NFKB1: variants seen among roughly 807,000 people sequenced by gnomAD.
The protein encoded by NFKB1 is nuclear factor NF-kappa-B p105 subunit.
Under a neutral mutation model 105.1 loss-of-function variants are expected in NFKB1, and 9 were observed. The ratio of observed to expected loss-of-function variants is 0.09; its 90% CI spans 0.05 to 0.15. NFKB1 has a LOEUF of 0.15. NFKB1 is among the 10% of genes least tolerant of loss of function. The pLI is 1.00. For missense variants in NFKB1, 830 were observed against 1,203.7 expected (o/e 0.69, Z 4.59); for synonymous variants, 440 against 442.2 (o/e 1.00, Z 0.06).
At chr4:102,585,734 G>C (rs568128279) in intron 11 of NFKB1, among the ~76,000 whole-genome samples, 7 of 152,182 alleles carry the variant, frequency 4.6e-5, no homozygotes, top group Non-Finnish European at 1.0e-4. Context: ...TTATTCTAAA[G>C]CAGCCTCCAA....
intron 1 of NFKB1, among the ~76,000 whole-genome samples, chr4:102,524,030 A>G (rs1048889620): frequency 9.8e-5 from 14 of 142,706 alleles, no homozygotes; most frequent in African/African-American, 2.4e-4. Context: ...AGACTTTATG[A>G]AAAAAAAAAA....
chr4:102,543,869 T>C (rs1214108165), intron 5 of NFKB1, among the ~76,000 whole-genome samples: 1 of 152,168 alleles, frequency 6.6e-6, no homozygotes, highest in Non-Finnish European at 1.5e-5. Context: ...CAGCTATGTG[T>C]GCGTATAGAA....
At chr4:102,614,982 C>T (rs1248375844) in intron 23 of NFKB1, among the ~76,000 whole-genome samples, 1 of 152,166 alleles carries the variant, frequency 6.6e-6, no homozygotes, top group Non-Finnish European at 1.5e-5. Context: ...GTCATCCTGT[C>T]TGCAACCACC....
chr4:102,594,949 G>A lies in NFKB1; in HGVS notation c.1268G>A (p.Gly423Glu), dbSNP rs770903327. The change falls in exon 13 of 24, where the codon GGA (glycine) becomes GAA (glutamate). Residue 423 changes from glycine to glutamate, a missense_variant. Gly to Glu is a moderately conservative substitution (Grantham distance 98, BLOSUM62 -2). Transcript: ENST00000226574. ...PTYGGITFHP[G>E]TTKSNAGMKH... ...TATGGTGGGATTACTTTCCATCCTG[G>A]AACTACTAAATCTAATGCTGGGATG... The A allele has an allele frequency of 1.9e-6, 3 of 1,610,790 alleles. No homozygotes were observed. The East Asian group carries it at 6.7e-5, about 36-fold the overall frequency.
chr4:102,554,391 A>G (rs1428973161), intron 5 of NFKB1, among the ~76,000 whole-genome samples: 5 of 152,200 alleles, frequency 3.3e-5, no homozygotes, highest in Non-Finnish European at 7.3e-5. Context: ...ATTTGGTGTA[A>G]TAGAGAACAT....
chr4:102,616,438 G>A lies in NFKB1; in HGVS notation c.2754G>A (p.Glu918=). The change falls in exon 24 of 24, where the codon GAG becomes GAA. Residue 918 remains glutamate (E), a synonymous_variant. Transcript: ENST00000226574. ...SPASTRQQID[E]LRDSDSVCDS... Reference sequence around the variant, plus strand: ...ATTTGTGCTTTCTCCCCTCAGACGAGCTCCGAGACAGTGACAGTGTCTGCG... The same window carrying A: ...ATTTGTGCTTTCTCCCCTCAGACGAACTCCGAGACAGTGACAGTGTCTGCG... 1 of 1,613,910 alleles carries A rather than the reference G, an allele frequency of 6.2e-7. No individual in the cohort carries two copies. Among genetic ancestry groups the A allele is most frequent in the Admixed American group, 1.7e-5 (1 of 60,022 alleles).
intron 20 of NFKB1, 58 bp from the exon 21 acceptor site, chr4:102,611,986 G>T: frequency 7.2e-7 from 1 of 1,388,080 alleles, no homozygotes; most frequent in South Asian, 1.2e-5. Context: ...TAAAGAAACA[G>T]ACTGCCCTAG....
intron 19 of NFKB1, 81 bp from the exon 20 acceptor site, chr4:102,610,494 C>T: frequency 6.6e-7 from 1 of 1,510,696 alleles, no homozygotes; most frequent in Non-Finnish European, 9.0e-7. Context: ...ATTGCTTTGC[C>T]TTTGGGAATC....
intron 3 of NFKB1, 75 bp from the exon 4 acceptor site, chr4:102,533,770 T>C: frequency 1.6e-6 from 2 of 1,257,512 alleles, no homozygotes; most frequent in Non-Finnish European, 2.3e-6. Context: ...AGTTTTTTAC[T>C]TGCTTTACGT....
At chr4:102,592,462 A>G (rs1726253899) in intron 11 of NFKB1, among the ~76,000 whole-genome samples, 1 of 152,230 alleles carries the variant, frequency 6.6e-6, no homozygotes, top group African/African-American at 2.4e-5. Context: ...GCAGCCATCA[A>G]CATTGAGGCA....
intron 1 of NFKB1, among the ~76,000 whole-genome samples, chr4:102,520,554 A>G (rs898704617): frequency 2.6e-5 from 4 of 152,192 alleles, no homozygotes; most frequent in African/African-American, 9.6e-5. Flanking sequence ...ATCACATTGC[A>G]CCCAAATGAA....
At chr4:102,599,507 G>C (rs1578814126) in intron 15 of NFKB1, among the ~76,000 whole-genome samples, 1 of 152,184 alleles carries the variant, frequency 6.6e-6, no homozygotes, top group East Asian at 1.9e-4. Context: ...GCTGCTGCGA[G>C]ATGCTTTAGT....
intron 14 of NFKB1, 52 bp from the exon 15 acceptor site, chr4:102,597,468 C>G: frequency 6.4e-7 from 1 of 1,554,284 alleles, no homozygotes; most frequent in Middle Eastern, 1.7e-4. Context: ...ATGCCATACC[C>G]ATAAAACAAA....
At chr4:102,575,340 T>G (rs1724729327) in intron 6 of NFKB1, among the ~76,000 whole-genome samples, 1 of 152,206 alleles carries the variant, frequency 6.6e-6, no homozygotes, top group Non-Finnish European at 1.5e-5. Flanking sequence ...GCCTTATAAC[T>G]CCTATTTTCT....
intron 2 of NFKB1, among the ~76,000 whole-genome samples, chr4:102,529,417 A>T (rs1741132443): frequency 6.6e-6 from 1 of 152,208 alleles, no homozygotes; most frequent in South Asian, 2.1e-4. Context: ...CCATAGAGGA[A>T]ATACTGATTT....
chr4:102,605,798 G>A (rs1727668421), intron 16 of NFKB1, among the ~76,000 whole-genome samples: 1 of 152,162 alleles, frequency 6.6e-6, no homozygotes, highest in African/African-American at 2.4e-5. Flanking sequence ...TATGAAATGG[G>A]TGTAGGAAAG....
At chr4:102,511,079 TA>T (rs1331772247) in intron 1 of NFKB1, 2 of 509,066 alleles carry the variant, frequency 3.9e-6, no homozygotes, top group African/African-American at 4.0e-5. Flanking sequence ...GTGTGATTTT[TA>T]TTTTTTTATT....
chr4:102,528,242 C>T (rs1169303668), intron 2 of NFKB1, among the ~76,000 whole-genome samples: 7 of 152,170 alleles, frequency 4.6e-5, no homozygotes, highest in Admixed American at 6.6e-5. Flanking sequence ...TAGGTTATCA[C>T]GTTTGCTCTG....
rs536404404 is a variant in NFKB1, at chr4:102,564,548, A to T, written c.259-2439A>T. ...CTCTTTCAAATGGATCCAACAGCAC[A>T]TGAGTCACTGGCAGCATGTTCAGCT... On this transcript the variant is annotated intron_variant, in intron 5 of 23. Transcript: ENST00000226574. Among the ~76,000 whole-genome samples, 3 of 152,374 alleles carry T rather than the reference A, an allele frequency of 2.0e-5. No individual in the cohort carries two copies. In the South Asian group the frequency reaches 6.2e-4, roughly 32 times the overall value.
Sources: allele counts gnomAD v4.1 joint callset (sites outside exome capture counted in the v4.1 genomes callset), GRCh38; gene constraint gnomAD v4.1.1; transcripts MANE v1.5; gene names NCBI Gene and HGNC (gene_info 2026-07-23, HGNC 2026-07-21).